The following GPC6 variants were observed in gnomAD, a reference collection of about 807,000 sequenced individuals.
The protein encoded by GPC6 is glypican 6, also known as glypican-6.
GPC6 carries 14 observed loss-of-function variants against 55.2 expected under a neutral mutation model. That is an observed-to-expected ratio of 0.25 (90% CI 0.17 to 0.40). GPC6 has a LOEUF of 0.40. Ranked by LOEUF, GPC6 falls within the 10% of genes least tolerant of loss-of-function variation. The pLI, the probability that GPC6 is intolerant of heterozygous loss-of-function variation, is 1.00. For missense variants in GPC6, 641 were observed against 708.5 expected (o/e 0.90, Z 1.08); for synonymous variants, 278 against 259.6 (o/e 1.07, Z -0.68).
At chr13:93,550,893 T>A (rs1045531222) in intron 2 of GPC6, among the ~76,000 whole-genome samples, 4 of 152,120 alleles carry the variant, frequency 2.6e-5, no homozygotes, top group African/African-American at 9.7e-5. Context: ...TGACTAATAA[T>A]GACTAAAATT....
intron 3 of GPC6, among the ~76,000 whole-genome samples, chr13:93,977,470 GTGTGTGT>G (rs1880573458): frequency 2.1e-4 from 1 of 4,816 alleles, no homozygotes; most frequent in Admixed American, 3.2e-3. Context: ...GACAAGGGGT[GTGTGTGT>G]GTGTGTGTGT....
At chr13:93,362,145 C>T (rs1257903059) in intron 1 of GPC6, among the ~76,000 whole-genome samples, 1 of 152,188 alleles carries the variant, frequency 6.6e-6, no homozygotes, top group Non-Finnish European at 1.5e-5. Context: ...ACATGCCACT[C>T]CAAATAACTA....
At chr13:94,329,539 G>C (rs189728605) in intron 6 of GPC6, among the ~76,000 whole-genome samples, 8 of 152,204 alleles carry the variant, frequency 5.3e-5, no homozygotes, top group African/African-American at 1.9e-4. Flanking sequence ...TTCATCCCAG[G>C]GGGGAGGTTT....
intron 1 of GPC6, among the ~76,000 whole-genome samples, chr13:93,507,841 C>T (rs779427453): frequency 1.3e-5 from 2 of 151,834 alleles, no homozygotes; most frequent in Non-Finnish European, 2.9e-5. Flanking sequence ...CATTGATTAG[C>T]TTGTCTCTAC....
chr13:94,301,273 T>C (rs1875635135), intron 5 of GPC6, among the ~76,000 whole-genome samples: 1 of 152,176 alleles, frequency 6.6e-6, no homozygotes, highest in Non-Finnish European at 1.5e-5. Flanking sequence ...GGCATGCACC[T>C]GTGGTCCCAG....
intron 2 of GPC6, among the ~76,000 whole-genome samples, chr13:93,742,940 G>A (rs183000843): frequency 7.6e-6 from 1 of 130,952 alleles, no homozygotes; most frequent in East Asian, 2.3e-4. Flanking sequence ...AAATGAGTGG[G>A]TAGATCTACA....
At position 93,912,520 on chromosome 13, in the gene GPC6, G is replaced by C. The variant is rs558396650; in HGVS notation, c.711+81975G>C. Among the ~76,000 whole-genome samples, 57 of 152,212 alleles carry C rather than the reference G, an allele frequency of 3.7e-4. 1 individual carries two copies. The South Asian group carries it at 0.011, about 30-fold the overall frequency. The stretch of plus-strand genomic sequence containing the variant: ...GCAATTTGGGAGGCCAAGGCGGGCG[G>C]ATCACAAGGTCAGGAGATCGAGACC... On this transcript the variant is annotated intron_variant, in intron 3 of 8. Transcript: ENST00000377047.
At chr13:93,456,183 A>G (rs1196402616) in intron 1 of GPC6, among the ~76,000 whole-genome samples, 1 of 140,086 alleles carries the variant, frequency 7.1e-6, no homozygotes, top group Non-Finnish European at 1.6e-5. Flanking sequence ...CATTCATTGC[A>G]AACATATTGG....
At chr13:93,951,495 C>T (rs987307565) in intron 3 of GPC6, among the ~76,000 whole-genome samples, 4 of 152,000 alleles carry the variant, frequency 2.6e-5, no homozygotes, top group African/African-American at 7.2e-5. Context: ...AATGCTTAAA[C>T]AAACAAAAAA....
intron 4 of GPC6, among the ~76,000 whole-genome samples, chr13:94,262,554 T>C (rs1475304401): frequency 6.6e-6 from 1 of 151,720 alleles, no homozygotes; most frequent in African/African-American, 2.4e-5. Context: ...ACACCTATAG[T>C]CCCAGCTGCT....
intron 2 of GPC6, among the ~76,000 whole-genome samples, chr13:93,561,404 G>GAGATATATATATATATATATATATGTAT (rs968221822): frequency 9.6e-6 from 1 of 104,666 alleles, no homozygotes; most frequent in African/African-American, 4.2e-5. Context: ...TATCCCTATC[G>GAGATATATATATATATATATATATGTAT]ATATATATAT....
Position 93,739,999 on chromosome 13 carries a change from G to A in GPC6, c.320-90155G>A, listed in dbSNP as rs546260769. Among the ~76,000 whole-genome samples, 139 of 152,258 alleles carry A rather than the reference G, an allele frequency of 9.1e-4. 1 individual carries two copies. Among genetic ancestry groups the A allele is most frequent in the Middle Eastern group, 3.4e-3 (1 of 294 alleles). ...TGGGGCAGTCAGAGAAGGCTTCACT[G>A]AATTGGAATTAAAAACCTAAAGCAG... On this transcript the variant is annotated intron_variant, in intron 2 of 8. Transcript: ENST00000377047.
rs187081602 is a variant in GPC6 at position 93,415,314 on chromosome 13, G to A, written c.161-129949G>A. On this transcript the variant is annotated intron_variant, in intron 1 of 8. Coordinates refer to ENST00000377047, the MANE Select transcript of GPC6 (RefSeq NM_005708.5). Reference sequence around the variant, plus strand: ...ATATATATATAACAACCATATCAACGTATAAATATGGTTTATAAACTAAAC... The same window carrying A: ...ATATATATATAACAACCATATCAACATATAAATATGGTTTATAAACTAAAC... Among the ~76,000 whole-genome samples the A allele has an allele frequency of 1.3e-3, 194 of 152,086 alleles. 2 individuals are homozygous for A. Among genetic ancestry groups the A allele is most frequent in the African/African-American group, 4.5e-3 (186 of 41,496 alleles).
intron 2 of GPC6, among the ~76,000 whole-genome samples, chr13:93,819,016 A>G (rs1594484532): frequency 6.6e-6 from 1 of 152,262 alleles, no homozygotes; most frequent in South Asian, 2.1e-4. Context: ...AGTATACAAG[A>G]TATACTGGTA....
chr13:93,845,207 A>G (rs534255248), intron 3 of GPC6, among the ~76,000 whole-genome samples: 1 of 152,106 alleles, frequency 6.6e-6, no homozygotes, highest in South Asian at 2.1e-4. Flanking sequence ...GAAGACATTT[A>G]TGCAGCCAAA....
At chr13:93,900,316 C>T (rs1876276376) in intron 3 of GPC6, among the ~76,000 whole-genome samples, 1 of 152,148 alleles carries the variant, frequency 6.6e-6, no homozygotes, top group African/African-American at 2.4e-5. Context: ...TCTTCCATAT[C>T]TAGCTGATTT....
intron 2 of GPC6, among the ~76,000 whole-genome samples, chr13:93,824,068 T>G (rs1459516344): frequency 6.6e-6 from 1 of 152,082 alleles, no homozygotes; most frequent in Non-Finnish European, 1.5e-5. Flanking sequence ...AATTTCAACC[T>G]CAAAATCTAA....
chr13:93,843,399 A>T (rs1888031721), intron 3 of GPC6, among the ~76,000 whole-genome samples: 1 of 152,122 alleles, frequency 6.6e-6, no homozygotes, highest in Admixed American at 6.6e-5. Context: ...ACTTAGAAAC[A>T]GTTTTCATTC....
At chr13:93,904,456 G>T (rs1876527170) in intron 3 of GPC6, among the ~76,000 whole-genome samples, 1 of 152,132 alleles carries the variant, frequency 6.6e-6, no homozygotes, top group Admixed American at 6.6e-5. Context: ...TGCAATGATA[G>T]CCTGTTATGA....
Sources: allele counts gnomAD v4.1 joint callset (sites outside exome capture counted in the v4.1 genomes callset), GRCh38; gene constraint gnomAD v4.1.1; transcripts MANE v1.5; gene names NCBI Gene and HGNC (gene_info 2026-07-23, HGNC 2026-07-21).